Variants in SMC6 observed in about 807,000 individuals in gnomAD.
The protein encoded by SMC6 is structural maintenance of chromosomes protein 6.
In SMC6, 79 loss-of-function variants were observed where a neutral mutation model predicts 142.2. That is an observed-to-expected ratio of 0.56 (90% CI 0.46 to 0.67). SMC6 has a LOEUF of 0.67. Among genes scored for constraint, SMC6 ranks in the 30% least tolerant of loss-of-function variants. The pLI is 0.00. For missense variants in SMC6, 1,072 were observed against 1,284.0 expected (o/e 0.83, Z 2.52); for synonymous variants, 411 against 412.4 (o/e 1.00, Z 0.04).
chr2:17,695,219 T>C lies in SMC6; in HGVS notation c.2611A>G (p.Ile871Val), dbSNP rs1227734596. 1 of 1,613,730 alleles carries C rather than the reference T, an allele frequency of 6.2e-7. No homozygotes were observed. ...TGTATCTTCTGCCTTAATCGATTAA[T>C]TTCTTTGTCCAGAATTGATGCAGAT... ...EKSASILDKE[I>V]NRLRQKIQAE... The change falls in exon 23 of 28, where the codon ATT becomes GTT. Residue 871 changes from isoleucine to valine, a missense_variant. This residue lies in a region of SMC6 where 994 missense variants were observed against 1,153.2 expected (regional missense o/e 0.86). Transcript: ENST00000448223.
chr2:17,684,405 G>T (rs1667357944), intron 23 of SMC6, among the ~76,000 whole-genome samples: 1 of 152,152 alleles, frequency 6.6e-6, no homozygotes, highest in Admixed American at 6.6e-5. Context: ...CGCTGGCACA[G>T]CATCCAGATA....
At chr2:17,674,812 T>G (rs977197270) in intron 25 of SMC6, among the ~76,000 whole-genome samples, 4 of 152,146 alleles carry the variant, frequency 2.6e-5, no homozygotes, top group Non-Finnish European at 4.4e-5. Context: ...AAGTCTATTT[T>G]GTTATTATTA....
At position 17,738,301 on chromosome 2, in the gene SMC6, A is replaced by T; in HGVS notation, c.264T>A (p.Ala88=). The change falls in exon 5 of 28, where the codon GCT becomes GCA. Residue 88 remains alanine (A), a synonymous_variant. Transcript: ENST00000448223. ...NGSGKSAVLT[A]LIVGLGGRAV... is the part of the protein sequence containing the mutation. ...CTCTTCCACCAAGACCGACTATGAG[A>T]GCTGTGAGTACTGCACTCTTCCCAC... 6.2e-7 allele frequency: 1 copy of T among 1,613,412 alleles called. No homozygotes were observed. The highest frequency in any genetic ancestry group is 1.1e-5 in the South Asian group (1 of 91,048).
In SMC6 at chr2:17,747,368, T is replaced by C. The variant is rs112056307; in HGVS notation, c.-5-1417A>G. The stretch of plus-strand genomic sequence containing the variant: ...CAAGTTCCAGATCTGAGTCTCTTTG[T>C]CCGCAGTCCAATATGGAGGGAAGCA... On this transcript the variant is annotated intron_variant, in intron 2 of 27. Coordinates refer to ENST00000448223, the MANE Select transcript of SMC6 (RefSeq NM_001142286.2). Among the ~76,000 whole-genome samples the C allele has an allele frequency of 8.7e-3, 1,327 of 152,286 alleles. 29 individuals are homozygous for C. The highest frequency in any genetic ancestry group is 0.03 in the African/African-American group (1,260 of 41,538).
At chr2:17,673,684 C>T (rs1236295468) in intron 25 of SMC6, among the ~76,000 whole-genome samples, 1 of 151,620 alleles carries the variant, frequency 6.6e-6, no homozygotes, top group Non-Finnish European at 1.5e-5. Context: ...ATTCTCCTGC[C>T]TCAGCCTCCC....
At chr2:17,704,611 A>G (rs187106849) in intron 18 of SMC6, among the ~76,000 whole-genome samples, 2 of 152,266 alleles carry the variant, frequency 1.3e-5, no homozygotes, top group East Asian at 3.9e-4. Flanking sequence ...ACTAAGATGA[A>G]TATTTCTCCA....
At chr2:17,680,382 T>C (rs1667187098) in intron 24 of SMC6, 1 of 152,204 alleles carries the variant, frequency 6.6e-6, no homozygotes, top group African/African-American at 2.4e-5. Flanking sequence ...TACACTGTTG[T>C]TGATATTTTG....
At chr2:17,747,220 TCG>T in intron 2 of SMC6, among the ~76,000 whole-genome samples, 1 of 152,296 alleles carries the variant, frequency 6.6e-6, no homozygotes, top group South Asian at 2.1e-4. Flanking sequence ...TAGTGGAAAG[TCG>T]GGACTTTTCC....
At chr2:17,709,740 G>A (rs1668727903) in intron 16 of SMC6, among the ~76,000 whole-genome samples, 1 of 152,136 alleles carries the variant, frequency 6.6e-6, no homozygotes. Context: ...AGGGAAGGCA[G>A]CTTATGGTGC....
chr2:17,741,590 C>T lies in SMC6; in HGVS notation c.238+22G>A, dbSNP rs893372617. 8.0e-6 allele frequency: 12 copies of T among 1,505,756 alleles called. No individual in the cohort carries two copies. In the Admixed American group the frequency reaches 1.3e-4, roughly 16 times the overall value. 93.3% of individuals were successfully genotyped at this position (1,505,756 alleles called of 1,614,324 possible). On this transcript the variant is annotated intron_variant, in intron 4 of 27. Coordinates refer to ENST00000448223, the MANE Select transcript of SMC6 (RefSeq NM_001142286.2). ...TCTCAAAGTACTGCTCAAAGTCAAA[C>T]GAGAAGGGAAAAAACACTTACTTCC...
chr2:17,742,414 G>A (rs961866394), intron 3 of SMC6, among the ~76,000 whole-genome samples: 13 of 152,176 alleles, frequency 8.5e-5, no homozygotes, highest in East Asian at 7.7e-4. Context: ...TTCCAAGTCC[G>A]TAAAACAGGA....
In SMC6 at chr2:17,726,455, A is replaced by T; in HGVS notation, c.558T>A (p.Val186=). Reference sequence around the variant, plus strand: ...TGCTCATTTCTTGTGTTAAAACAGAAACTGGATTATCCACCTCAAACAAAC... The same window carrying T: ...TGCTCATTTCTTGTGTTAAAACAGATACTGGATTATCCACCTCAAACAAAC... ...DHFNIQVDNP[V]SVLTQEMSKQ... is the part of the protein sequence containing the mutation. Residue 186 remains valine, a synonymous_variant, in exon 8 of 28, where the codon GTT becomes GTA. Transcript: ENST00000448223. 1 of 1,611,300 alleles carries T rather than the reference A, an allele frequency of 6.2e-7. No homozygotes were observed. The highest frequency in any genetic ancestry group is 8.5e-7 in the Non-Finnish European group (1 of 1,179,330).
At chr2:17,666,124 A>G (rs935770949) in intron 27 of SMC6, among the ~76,000 whole-genome samples, 2 of 152,272 alleles carry the variant, frequency 1.3e-5, no homozygotes, top group African/African-American at 4.8e-5. Context: ...AAATCATTTT[A>G]GTCCAAACAG....
rs548675209 is a variant in SMC6, at chr2:17,732,109, C to G, written c.345-232G>C. The stretch of plus-strand genomic sequence containing the variant: ...AGTGAAGCTTCAAAAAAATAATTGA[C>G]TGACTATTCTATCCATCATAGAAAT... On this transcript the variant is annotated intron_variant, in intron 5 of 27. Transcript: ENST00000448223. Among the ~76,000 whole-genome samples, 3 of 152,286 alleles carry G rather than the reference C, an allele frequency of 2.0e-5. No homozygotes were observed. The South Asian group carries it at 6.2e-4, about 32-fold the overall frequency.
At position 17,717,187 on chromosome 2, in the gene SMC6, A is replaced by G. The variant is rs1669135377; in HGVS notation, c.1093-11T>C. 3.2e-6 allele frequency: 5 copies of G among 1,578,446 alleles called. No individual in the cohort carries two copies. ...TCGGTTATATAAAACCTAACCAAAA[A>G]AATTAGACACACTTTACAAAAATGA... is the stretch of plus-strand genomic sequence containing the variant. On this transcript the variant is annotated splice_polypyrimidine_tract_variant and intron_variant, in intron 12 of 27. Coordinates refer to ENST00000448223, the MANE Select transcript of SMC6 (RefSeq NM_001142286.2).
chr2:17,716,028 T>A, intron 15 of SMC6, 58 bp downstream of exon 15: 1 of 1,333,312 alleles, frequency 7.5e-7, no homozygotes, highest in East Asian at 2.7e-5. Context: ...TCAATCGTTC[T>A]GAAAATAAAA....
chr2:17,711,824 AC>A (rs1668839079), intron 16 of SMC6, among the ~76,000 whole-genome samples: 1 of 152,024 alleles, frequency 6.6e-6, no homozygotes, highest in African/African-American at 2.4e-5. Context: ...TCACCACATT[AC>A]CCAGGCTGGT....
chr2:17,690,991 C>A (rs1289989829), intron 23 of SMC6, among the ~76,000 whole-genome samples: 1 of 151,180 alleles, frequency 6.6e-6, no homozygotes, highest in Non-Finnish European at 1.5e-5. Flanking sequence ...TAAAATAATG[C>A]GCATTCACTT....
chr2:17,747,395 T>C (rs1344650034), intron 2 of SMC6, among the ~76,000 whole-genome samples: 1 of 152,200 alleles, frequency 6.6e-6, no homozygotes, highest in Admixed American at 6.5e-5. Flanking sequence ...AGGGAAGCAG[T>C]TCTCAAAGGT....
Sources: allele counts gnomAD v4.1 joint callset (sites outside exome capture counted in the v4.1 genomes callset), GRCh38; gene constraint gnomAD v4.1.1; regional missense constraint gnomAD v4.1.1; transcripts MANE v1.5; gene names NCBI Gene and HGNC (gene_info 2026-07-23, HGNC 2026-07-21).